The following KCNAB2 variants were observed in gnomAD, a reference collection of about 807,000 sequenced individuals.
KCNAB2 encodes potassium voltage-gated channel subfamily A regulatory beta subunit 2.
In KCNAB2, 29 loss-of-function variants were observed where a neutral mutation model predicts 63.6. That is an observed-to-expected ratio of 0.46 (90% confidence interval 0.34 to 0.62). KCNAB2 has a LOEUF of 0.62. Among genes scored for constraint, KCNAB2 ranks in the 20% least tolerant of loss-of-function variants. The probability of loss-of-function intolerance (pLI) is 0.01; values close to 1 mark genes in which losing one functional copy is unlikely to be tolerated. For synonymous variants in KCNAB2, 222 were observed against 224.2 expected (o/e 0.99, Z 0.09); for missense variants, 359 against 563.9 (o/e 0.64, Z 3.68).
intron 1 of KCNAB2, among the ~76,000 whole-genome samples, chr1:6,014,998 A>G (rs1042640551): frequency 6.8e-6 from 1 of 146,386 alleles, no homozygotes; most frequent in African/African-American, 2.5e-5. Context: ...TAATTTTATT[A>G]CAGACGGGGT....
Position 6,078,934 on chromosome 1 carries a change from G to C in KCNAB2, c.301-3261G>C, listed in dbSNP as rs192803939. 4.3e-4 allele frequency among the ~76,000 whole-genome samples: 66 copies of C among 152,344 alleles called. No homozygotes were observed. Among genetic ancestry groups the C allele is most frequent in the Non-Finnish European group, 7.6e-4 (52 of 68,030 alleles). The stretch of plus-strand genomic sequence containing the variant: ...GAGGATGGAAGCAGAGAGCTAGGAG[G>C]CTATTGTGAGAAACCACCCAAGAGC... On this transcript the variant is annotated intron_variant, in intron 4 of 15. Coordinates refer to ENST00000378083, the MANE Select transcript of KCNAB2 (RefSeq NM_001199862.2). The surrounding 1 kb of genome is among the most constrained non-coding windows in gnomAD (Gnocchi z 4.2).
At chr1:6,004,842 G>A (rs571739075) in intron 1 of KCNAB2, among the ~76,000 whole-genome samples, 1 of 151,790 alleles carries the variant, frequency 6.6e-6, no homozygotes, top group African/African-American at 2.4e-5. Context: ...CCCACCTCCA[G>A]CCCCGTCTCC....
At chr1:6,030,956 G>A (rs1454085310), upstream of KCNAB2, among the ~76,000 whole-genome samples, 1 of 151,570 alleles carries the variant, frequency 6.6e-6, no homozygotes, top group Non-Finnish European at 1.5e-5. Flanking sequence ...GTTGGGAGAG[G>A]CAGCAAAGTC....
At position 6,087,053 on chromosome 1, in the gene KCNAB2, C is replaced by T. The variant is rs951378924; in HGVS notation, c.426-414C>T. On this transcript the variant is annotated intron_variant, in intron 6 of 15. Transcript: ENST00000378083. This position sits in a 1 kb window ranked among gnomAD's most constrained non-coding sequence, Gnocchi z 6.4. ...CCTGCCAGATCCCCCCAGAGCCCGC[C>T]CCTGCCCCCTGGCCCACACCCGGCC... is the stretch of plus-strand genomic sequence containing the variant. Among the ~76,000 whole-genome samples the T allele has an allele frequency of 6.6e-6, 1 of 152,178 alleles. No homozygotes were observed. Among genetic ancestry groups the T allele is most frequent in the Non-Finnish European group, 1.5e-5 (1 of 68,020 alleles).
At chr1:6,089,828 G>C (rs1314623182) in intron 8 of KCNAB2, among the ~76,000 whole-genome samples, 1 of 152,230 alleles carries the variant, frequency 6.6e-6, no homozygotes, top group African/African-American at 2.4e-5. Flanking sequence ...CTCCTGAGTA[G>C]CTGGGATTAC....
At chr1:5,996,603 T>A (rs537076303) in intron 1 of KCNAB2, among the ~76,000 whole-genome samples, 70 of 152,230 alleles carry the variant, frequency 4.6e-4, no homozygotes, top group Non-Finnish European at 8.8e-4. Flanking sequence ...GCAGGCAGCC[T>A]CCTCCACTTC....
chr1:6,090,501 G>A lies in KCNAB2; in HGVS notation c.601+26G>A, dbSNP rs374808888. The stretch of plus-strand genomic sequence containing the variant: ...GTAGGTGGTCTGCGGCGGCGCCACC[G>A]GTTAGGCCTGGGCGGGGTCTGAAGG... On this transcript the variant is annotated intron_variant, in intron 9 of 15. Coordinates refer to ENST00000378083, the MANE Select transcript of KCNAB2 (RefSeq NM_001199862.2). 4.5e-5 allele frequency: 71 copies of A among 1,581,996 alleles called. No individual in the cohort carries two copies. The Middle Eastern group carries it at 5.4e-4, about 12-fold the overall frequency.
In KCNAB2 at chr1:6,082,132, G is replaced by T; in HGVS notation, c.301-63G>T. ...GGAGGCCTCCCAGGCCGAGAGGGTG[G>T]TGCTCCAGAGCCTCTGGGCCCCACC... On this transcript the variant is annotated intron_variant, in intron 4 of 15. Coordinates refer to ENST00000378083, the MANE Select transcript of KCNAB2 (RefSeq NM_001199862.2). The T allele has an allele frequency of 2.1e-6, 3 of 1,432,428 alleles. No individual in the cohort carries two copies. In the South Asian group the frequency reaches 3.4e-5, roughly 16 times the overall value. The allele number at this position is 1,432,428 out of a possible 1,614,324, so 88.7% of individuals were successfully genotyped here.
chr1:6,008,177 G>A (rs2100252699), intron 1 of KCNAB2, among the ~76,000 whole-genome samples: 1 of 152,302 alleles, frequency 6.6e-6, no homozygotes, highest in South Asian at 2.1e-4. Context: ...GATTTCACGA[G>A]GCAGATGGTG....
Position 6,072,671 on chromosome 1 carries a change from G to C in KCNAB2, c.219-84G>C. ...CACATTGACTGTTGGGGGAGTGGGTGGGGGGCTGGCCCTGGCGGGAACTGA... is the reference window on the plus strand; with the variant it reads ...CACATTGACTGTTGGGGGAGTGGGTCGGGGGCTGGCCCTGGCGGGAACTGA... On this transcript the variant is annotated intron_variant, in intron 2 of 15. Coordinates refer to ENST00000378083, the MANE Select transcript of KCNAB2 (RefSeq NM_001199862.2). 7 of 1,425,246 alleles carry C rather than the reference G, an allele frequency of 4.9e-6. No homozygotes were observed. In the South Asian group the frequency reaches 8.2e-5, roughly 17 times the overall value. The allele number at this position is 1,425,246 out of a possible 1,614,324, so 88.3% of individuals were successfully genotyped here.
chr1:6,019,736 C>T (rs1205130086), intron 1 of KCNAB2, among the ~76,000 whole-genome samples: 4 of 152,106 alleles, frequency 2.6e-5, no homozygotes, highest in Non-Finnish European at 4.4e-5. Flanking sequence ...TGCACAGTGT[C>T]GGCCAAAATT....
chr1:6,008,658 A>G (rs1467078256), intron 1 of KCNAB2, among the ~76,000 whole-genome samples: 1 of 150,674 alleles, frequency 6.6e-6, no homozygotes, highest in Non-Finnish European at 1.5e-5. Context: ...GGACACCAAC[A>G]TGGGCTGAGA....
In KCNAB2 at chr1:6,084,332, G is replaced by A. The variant is rs116175807; in HGVS notation, c.381-872G>A. Among the ~76,000 whole-genome samples, 516 of 152,294 alleles carry A rather than the reference G, an allele frequency of 3.4e-3. 5 individuals are homozygous for A. Among genetic ancestry groups the A allele is most frequent in the African/African-American group, 0.012 (482 of 41,566 alleles). On this transcript the variant is annotated intron_variant, in intron 5 of 15. Transcript: ENST00000378083. ...TGCCAAACAGGACAGACAGTGGTCC[G>A]CCTAGCATCTGACTCTGCCGTTCAG... is the stretch of plus-strand genomic sequence containing the variant.
At chr1:6,065,558 G>A (rs1378734550) in intron 2 of KCNAB2, among the ~76,000 whole-genome samples, 1 of 152,088 alleles carries the variant, frequency 6.6e-6, no homozygotes, top group Admixed American at 6.6e-5. Flanking sequence ...GCGGCCCTGC[G>A]CAGCCCCCCA....
At chr1:5,992,903 C>T (rs1382174447) in intron 1 of KCNAB2, 1 of 152,450 alleles carries the variant, frequency 6.6e-6, no homozygotes, top group Admixed American at 6.5e-5. Context: ...CCGTCTCCAT[C>T]TCTTCTTCCC....
chr1:5,998,535 A>G (rs1657060603), intron 1 of KCNAB2, among the ~76,000 whole-genome samples: 1 of 152,208 alleles, frequency 6.6e-6, no homozygotes, highest in Non-Finnish European at 1.5e-5. Context: ...ACCTGGGGGT[A>G]GTGCCAAGGG....
At chr1:6,085,718 C>A in intron 6 of KCNAB2, 2 of 568,812 alleles carry the variant, frequency 3.5e-6, no homozygotes, top group Non-Finnish European at 2.3e-6. Flanking sequence ...GGGTTGGATC[C>A]CACCCTGCAC....
At chr1:6,026,433 C>G (rs968024384) in intron 1 of KCNAB2, 1 of 152,310 alleles carries the variant, frequency 6.6e-6, no homozygotes, top group Admixed American at 6.5e-5. Context: ...CGGTCGTTCC[C>G]GTTCAGGAGC....
At chr1:6,070,808 A>G (rs1210357034) in intron 2 of KCNAB2, among the ~76,000 whole-genome samples, 3 of 152,108 alleles carry the variant, frequency 2.0e-5, no homozygotes, top group Non-Finnish European at 4.4e-5. Context: ...TCCTCCAGCC[A>G]GGAAAGTTGT....
Sources: allele counts gnomAD v4.1 joint callset (sites outside exome capture counted in the v4.1 genomes callset), GRCh38; gene constraint gnomAD v4.1.1; non-coding constraint Gnocchi (gnomAD v3.1); transcripts MANE v1.5; gene names NCBI Gene and HGNC (gene_info 2026-07-23, HGNC 2026-07-21).